The following IMMP2L variants were observed in gnomAD, a reference collection of about 807,000 sequenced individuals.
IMMP2L encodes the protein inner mitochondrial membrane peptidase subunit 2.
In IMMP2L, 18 loss-of-function variants were observed where a neutral mutation model predicts 19.3. That is an observed-to-expected ratio of 0.93 (90% CI 0.64 to 1.38). The LOEUF (loss-of-function observed/expected upper bound fraction) is 1.38. Ranked by LOEUF, IMMP2L falls within the 40% of genes most tolerant of loss-of-function variation. The probability of loss-of-function intolerance (pLI) is 0.00; values close to 1 mark genes in which losing one functional copy is unlikely to be tolerated. For missense variants in IMMP2L, 233 were observed against 218.2 expected (o/e 1.07, Z -0.43); for synonymous variants, 76 against 73.0 (o/e 1.04, Z -0.21).
At chr7:111,163,138 T>G (rs1805450531) in intron 3 of IMMP2L, among the ~76,000 whole-genome samples, 1 of 152,042 alleles carries the variant, frequency 6.6e-6, no homozygotes, top group African/African-American at 2.4e-5. Context: ...ATGCAAACAT[T>G]CTGGGAGACA....
chr7:110,838,864 T>C (rs980355807), intron 5 of IMMP2L, among the ~76,000 whole-genome samples: 1 of 152,092 alleles, frequency 6.6e-6, no homozygotes, highest in African/African-American at 2.4e-5. Flanking sequence ...GAAAAATATA[T>C]CATAAGGATG....
chr7:111,384,096 A>G (rs1441697806), intron 3 of IMMP2L, among the ~76,000 whole-genome samples: 2 of 151,972 alleles, frequency 1.3e-5, no homozygotes, highest in Admixed American at 6.6e-5. Flanking sequence ...ATGAGCCATA[A>G]CTATACCAGT....
intron 5 of IMMP2L, among the ~76,000 whole-genome samples, chr7:110,735,133 C>T (rs1307056130): frequency 6.6e-6 from 1 of 152,108 alleles, no homozygotes; most frequent in Admixed American, 6.6e-5. Context: ...CAGAAAATTC[C>T]ATCTCCTGAC....
intron 5 of IMMP2L, among the ~76,000 whole-genome samples, chr7:110,741,766 A>G (rs2130870214): frequency 6.6e-6 from 1 of 152,346 alleles, no homozygotes; most frequent in African/African-American, 2.4e-5. Flanking sequence ...GAAATTACAA[A>G]ATATGAACAA....
At chr7:111,290,781 ACT>A (rs911502470) in intron 3 of IMMP2L, among the ~76,000 whole-genome samples, 5 of 150,136 alleles carry the variant, frequency 3.3e-5, no homozygotes, top group Non-Finnish European at 5.9e-5. Flanking sequence ...ACTATTTAAT[ACT>A]CTGTCTCTCT....
intron 4 of IMMP2L, among the ~76,000 whole-genome samples, chr7:110,910,539 TG>T (rs1812942887): frequency 6.6e-6 from 1 of 152,046 alleles, no homozygotes; most frequent in Admixed American, 6.6e-5. Flanking sequence ...GGCAACAGTG[TG>T]AAAAGAAAGG....
intron 5 of IMMP2L, among the ~76,000 whole-genome samples, chr7:110,874,999 T>G (rs182870357): frequency 7.9e-5 from 12 of 152,160 alleles, no homozygotes; most frequent in African/African-American, 9.6e-5. Context: ...ATCCCAGCCA[T>G]GAGGGTGGAA....
rs142475039 is a variant in IMMP2L, at chr7:111,122,899, C to A, written c.240-159334G>T. 6.8e-6 allele frequency: 11 copies of A among 1,613,986 alleles called. No homozygotes were observed. Among genetic ancestry groups the A allele is most frequent in the Non-Finnish European group, 9.3e-6 (11 of 1,179,942 alleles). On this transcript the variant is annotated intron_variant, in intron 3 of 5. Coordinates refer to ENST00000405709, the MANE Select transcript of IMMP2L (RefSeq NM_032549.4). ...GTGTGAAATCAGGCCTTGGTTTACA[C>A]CCAGATCCATTTATATGGAAGCATC...
intron 3 of IMMP2L, among the ~76,000 whole-genome samples, chr7:111,264,111 T>C (rs921636438): frequency 5.3e-5 from 8 of 152,146 alleles, no homozygotes; most frequent in African/African-American, 1.9e-4. Context: ...AACACCCAAT[T>C]ACATTTCTAA....
chr7:110,694,393 C>CA (rs1298408692), intron 5 of IMMP2L, among the ~76,000 whole-genome samples: 2 of 151,344 alleles, frequency 1.3e-5, no homozygotes, highest in East Asian at 1.9e-4. Flanking sequence ...AAATCAGATA[C>CA]AAAAAAAGAA....
chr7:111,014,962 A>T (rs1825355850), intron 3 of IMMP2L, among the ~76,000 whole-genome samples: 1 of 152,190 alleles, frequency 6.6e-6, no homozygotes, highest in Admixed American at 6.5e-5. Flanking sequence ...GTGGCACTGT[A>T]AAATGGTGCA....
intron 3 of IMMP2L, chr7:111,411,284 T>G: frequency 4.8e-6 from 1 of 206,864 alleles, no homozygotes; most frequent in Non-Finnish European, 1.0e-5. Context: ...AGATCAAATA[T>G]TTTTCAAAAA....
At chr7:110,865,980 A>G (rs1165305590) in intron 5 of IMMP2L, among the ~76,000 whole-genome samples, 1 of 152,172 alleles carries the variant, frequency 6.6e-6, no homozygotes, top group East Asian at 1.9e-4. Context: ...CTATAGGAGT[A>G]AAAGGATACA....
intron 3 of IMMP2L, among the ~76,000 whole-genome samples, chr7:111,228,734 G>A (rs151010458): frequency 0.011 from 1,714 of 152,128 alleles, 35 homozygotes; most frequent in African/African-American, 0.038. Flanking sequence ...ATATTCTATA[G>A]TTATTTGCAG....
intron 5 of IMMP2L, among the ~76,000 whole-genome samples, chr7:110,669,793 A>C (rs1293339401): frequency 6.6e-6 from 1 of 152,210 alleles, no homozygotes; most frequent in East Asian, 1.9e-4. Flanking sequence ...CAGGATCACC[A>C]TATCATTCAT....
intron 5 of IMMP2L, among the ~76,000 whole-genome samples, chr7:110,781,141 T>C (rs1799713855): frequency 1.3e-5 from 2 of 151,948 alleles, no homozygotes; most frequent in South Asian, 4.1e-4. Flanking sequence ...ACTATGTTTG[T>C]TAGCAATATG....
intron 3 of IMMP2L, among the ~76,000 whole-genome samples, chr7:111,043,906 C>T (rs548463965): frequency 1.3e-5 from 2 of 152,294 alleles, no homozygotes; most frequent in East Asian, 3.9e-4. Flanking sequence ...ATTTTGTCAG[C>T]TCTTTTGTCA....
chr7:110,737,508 C>T (rs150543213), intron 5 of IMMP2L, among the ~76,000 whole-genome samples: 6 of 152,262 alleles, frequency 3.9e-5, no homozygotes, highest in Non-Finnish European at 5.9e-5. Flanking sequence ...CCACAGCAGT[C>T]GCAGCAAGCC....
rs371064967 is a variant in IMMP2L, at chr7:111,521,431, C to G, written c.17G>C (p.Gly6Ala). Residue 6 changes from glycine to alanine, a missense_variant, in exon 2 of 6, where the codon GGG (glycine) becomes GCG (alanine). Transcript: ENST00000405709. ...GGCCTTGATGTATCTTTTCACCCACCCTTGTGACTGTGCCATACCTAAAAA... is the reference window on the plus strand; with the variant it reads ...GGCCTTGATGTATCTTTTCACCCACGCTTGTGACTGTGCCATACCTAAAAA... MAQSQ[G>A]WVKRYIKAFC... is the part of the protein sequence containing the mutation. 11 of 1,610,884 alleles carry G rather than the reference C, an allele frequency of 6.8e-6. No individual in the cohort carries two copies. Among genetic ancestry groups the G allele is most frequent in the South Asian group, 1.1e-5 (1 of 90,806 alleles).
Sources: allele counts gnomAD v4.1 joint callset (sites outside exome capture counted in the v4.1 genomes callset), GRCh38; gene constraint gnomAD v4.1.1; transcripts MANE v1.5; gene names NCBI Gene and HGNC (gene_info 2026-07-23, HGNC 2026-07-21).